Variants in AGBL4 observed in about 807,000 individuals in gnomAD.
The protein encoded by AGBL4 is AGBL carboxypeptidase 4.
In AGBL4, 58 loss-of-function variants were observed where a neutral mutation model predicts 66.4. The observed-to-expected ratio is 0.87, with a 90% CI of 0.71 to 1.09. The LOEUF (loss-of-function observed/expected upper bound fraction) is 1.09. AGBL4 is among the 50% of genes least tolerant of loss of function. AGBL4 has a pLI of 0.00. For synonymous variants in AGBL4, 234 were observed against 222.9 expected (o/e 1.05, Z -0.44); for missense variants, 579 against 631.0 (o/e 0.92, Z 0.88).
At chr1:49,322,888 T>C (rs1416401006) in intron 3 of AGBL4, among the ~76,000 whole-genome samples, 2 of 152,226 alleles carry the variant, frequency 1.3e-5, no homozygotes, top group South Asian at 4.1e-4. Flanking sequence ...AACAAAATAA[T>C]GGGAAGCAAA....
chr1:48,876,412 A>C (rs368183407), intron 5 of AGBL4, among the ~76,000 whole-genome samples: 1 of 152,168 alleles, frequency 6.6e-6, no homozygotes, highest in African/African-American at 2.4e-5. Context: ...CCAGGCATCA[A>C]GAGGCAGCGA....
Position 48,534,025 on chromosome 1 carries a change from G to T in AGBL4, c.*148C>A. ...TCCATTGGAAAAAGGGAAAATCAGT[G>T]ATGAAGTTTCTCATTGTATCCCTTC... On this transcript the variant is annotated 3_prime_UTR_variant, in exon 14 of 14. Transcript: ENST00000371839. 2 of 1,287,002 alleles carry T rather than the reference G, an allele frequency of 1.6e-6. No individual in the cohort carries two copies. Among genetic ancestry groups the T allele is most frequent in the Middle Eastern group, 3.7e-4 (2 of 5,400 alleles). 79.7% of individuals were successfully genotyped at this position (1,287,002 alleles called of 1,614,324 possible). A position where few individuals can be genotyped will look rare whatever the true frequency, so the allele number is the denominator to read the frequency against.
At chr1:48,878,299 G>A (rs1649416126) in intron 5 of AGBL4, among the ~76,000 whole-genome samples, 1 of 152,160 alleles carries the variant, frequency 6.6e-6, no homozygotes, top group Non-Finnish European at 1.5e-5. Flanking sequence ...TAGACTGAAT[G>A]AAATGGATCA....
rs114090137 is a variant in AGBL4, at chr1:48,965,431, A to T, written c.594+80153T>A. On this transcript the variant is annotated intron_variant, in intron 5 of 13. Coordinates refer to ENST00000371839, the MANE Select transcript of AGBL4 (RefSeq NM_032785.4). The stretch of plus-strand genomic sequence containing the variant: ...AAAAAGGACTCAGAGACCTGCAATT[A>T]AAATTAAAGTACATTTGAATAACGG... Among the ~76,000 whole-genome samples the T allele has an allele frequency of 1.7e-3, 261 of 152,314 alleles. 1 individual carries two copies. Among genetic ancestry groups the T allele is most frequent in the African/African-American group, 6.1e-3 (255 of 41,576 alleles).
At chr1:48,597,886 GAA>G (rs1645019662) in intron 9 of AGBL4, among the ~76,000 whole-genome samples, 1 of 133,486 alleles carries the variant, frequency 7.5e-6, no homozygotes, top group Non-Finnish European at 1.6e-5. Context: ...AAGAAAAAAA[GAA>G]AGAGGGAGGG....
At chr1:49,624,198 C>T (rs1645423514) in intron 3 of AGBL4, among the ~76,000 whole-genome samples, 1 of 152,060 alleles carries the variant, frequency 6.6e-6, no homozygotes, top group Admixed American at 6.6e-5. Flanking sequence ...CTGAATATTC[C>T]TTCTTTGAAG....
rs561076119 is a variant in AGBL4 at position 49,955,770 on chromosome 1, C to T, written c.34+67993G>A. Among the ~76,000 whole-genome samples the T allele has an allele frequency of 5.3e-5, 8 of 151,834 alleles. No homozygotes were observed. The East Asian group carries it at 9.7e-4, about 18-fold the overall frequency. On this transcript the variant is annotated intron_variant, in intron 1 of 13. Transcript: ENST00000371839. The stretch of plus-strand genomic sequence containing the variant: ...AGTGGCCAAAAGTTATACCTCTGCC[C>T]CCAATGAACTGCCCCCAGATAAGTG...
At chr1:49,426,176 C>T (rs753530176) in intron 3 of AGBL4, among the ~76,000 whole-genome samples, 5 of 152,062 alleles carry the variant, frequency 3.3e-5, no homozygotes, top group Non-Finnish European at 5.9e-5. Context: ...GCGTGGGATT[C>T]TCTTCAAAAT....
intron 4 of AGBL4, among the ~76,000 whole-genome samples, chr1:49,158,143 T>C (rs531319257): frequency 6.6e-6 from 1 of 152,280 alleles, no homozygotes; most frequent in Admixed American, 6.5e-5. Flanking sequence ...AAGCTGAAAC[T>C]GAACCCCTTC....
intron 5 of AGBL4, among the ~76,000 whole-genome samples, chr1:48,913,744 A>G (rs576785139): frequency 1.6e-4 from 24 of 152,320 alleles, no homozygotes; most frequent in South Asian, 4.1e-4. Flanking sequence ...TAAAGTGCAC[A>G]AAAAATGTAA....
At chr1:49,450,432 G>C (rs903946790) in intron 3 of AGBL4, among the ~76,000 whole-genome samples, 19 of 152,164 alleles carry the variant, frequency 1.2e-4, no homozygotes, top group Admixed American at 1.2e-3. Context: ...GGAAATAGTA[G>C]ACAAAGCTCT....
At chr1:49,215,260 C>T (rs931044225) in intron 4 of AGBL4, among the ~76,000 whole-genome samples, 5 of 152,066 alleles carry the variant, frequency 3.3e-5, no homozygotes, top group African/African-American at 1.2e-4. Flanking sequence ...TTTTAAAAAT[C>T]ATTTTTCAAA....
At chr1:49,547,342 A>G (rs558582941) in intron 3 of AGBL4, among the ~76,000 whole-genome samples, 23 of 152,266 alleles carry the variant, frequency 1.5e-4, no homozygotes, top group Admixed American at 7.2e-4. Context: ...TGGGATCTCT[A>G]TTCTGTTCCA....
At chr1:49,415,893 T>A (rs562398038) in intron 3 of AGBL4, among the ~76,000 whole-genome samples, 25 of 152,088 alleles carry the variant, frequency 1.6e-4, no homozygotes, top group Non-Finnish European at 2.8e-4. Flanking sequence ...AAAACCTGTG[T>A]CTTCCCACCA....
chr1:49,204,242 C>T lies in AGBL4; in HGVS notation c.377+41528G>A, dbSNP rs140342223. 1.6e-3 allele frequency among the ~76,000 whole-genome samples: 244 copies of T among 152,064 alleles called. 1 individual carries two copies. Among genetic ancestry groups the T allele is most frequent in the Non-Finnish European group, 3.1e-3 (211 of 67,972 alleles). ...ATGTAAAGGAGTATAACCTTTATTC[C>T]ATAGATAACTGGAAACTATTTATCT... is the stretch of plus-strand genomic sequence containing the variant. On this transcript the variant is annotated intron_variant, in intron 4 of 13. Transcript: ENST00000371839.
intron 3 of AGBL4, among the ~76,000 whole-genome samples, chr1:49,372,594 CT>C (rs1209547849): frequency 6.7e-6 from 1 of 150,232 alleles, no homozygotes; most frequent in Non-Finnish European, 1.5e-5. Context: ...TTCTTTCTTT[CT>C]TTTCTTTTTC....
intron 6 of AGBL4, among the ~76,000 whole-genome samples, chr1:48,672,790 G>T (rs426706): frequency 0.71 from 108,511 of 152,164 alleles, 39,916 homozygotes; most frequent in African/African-American, 0.88. Flanking sequence ...CCACTAAATT[G>T]GGGAGTGGAG....
intron 5 of AGBL4, among the ~76,000 whole-genome samples, chr1:49,013,201 A>G (rs1490887361): frequency 6.6e-6 from 1 of 152,224 alleles, no homozygotes; most frequent in Non-Finnish European, 1.5e-5. Context: ...GCAAATAACC[A>G]AAGAGATGAG....
chr1:49,572,244 A>G lies in AGBL4; in HGVS notation c.282+125069T>C, dbSNP rs560006530. ...AAAACTTTATTACAGATTTACTCTC[A>G]CTACTCATTTTTGGTCAGTTCTAGC... is the stretch of plus-strand genomic sequence containing the variant. On this transcript the variant is annotated intron_variant, in intron 3 of 13. Coordinates refer to ENST00000371839, the MANE Select transcript of AGBL4 (RefSeq NM_032785.4). 5.3e-5 allele frequency among the ~76,000 whole-genome samples: 8 copies of G among 152,254 alleles called. No individual in the cohort carries two copies. In the South Asian group the frequency reaches 1.0e-3, roughly 20 times the overall value.
Sources: allele counts gnomAD v4.1 joint callset (sites outside exome capture counted in the v4.1 genomes callset), GRCh38; gene constraint gnomAD v4.1.1; transcripts MANE v1.5; gene names NCBI Gene and HGNC (gene_info 2026-07-23, HGNC 2026-07-21).